Variants in RBFOX1 observed in about 807,000 individuals in gnomAD.
RBFOX1 encodes RNA binding fox-1 homolog 1, also known as RNA binding protein fox-1 homolog 1.
In RBFOX1, 8 loss-of-function variants were observed where a neutral mutation model predicts 57.7. The observed-to-expected ratio is 0.14, with a 90% confidence interval of 0.08 to 0.25. The LOEUF (loss-of-function observed/expected upper bound fraction) is 0.25, where lower values mean the gene tolerates loss of function less well. Ranked by LOEUF, RBFOX1 falls within the 10% of genes least tolerant of loss-of-function variation. RBFOX1 has a pLI of 1.00. For synonymous variants in RBFOX1, 326 were observed against 222.4 expected (o/e 1.47, Z -4.15); for missense variants, 611 against 548.5 (o/e 1.11, Z -1.14).
chr16:5,753,427 G>A (rs1047640923), intron 3 of RBFOX1, among the ~76,000 whole-genome samples: 5 of 152,092 alleles, frequency 3.3e-5, no homozygotes, highest in African/African-American at 7.2e-5. Context: ...TTTTGGCTGC[G>A]TTTTTCACTT....
chr16:6,803,310 C>G (rs2085935339), intron 3 of RBFOX1, among the ~76,000 whole-genome samples: 1 of 152,144 alleles, frequency 6.6e-6, no homozygotes, highest in Admixed American at 6.6e-5. Context: ...GGCATTGTTT[C>G]CTTAGTCATT....
In RBFOX1 at chr16:6,510,384, C is replaced by T. The variant is rs1043809247; in HGVS notation, c.-63-144219C>T. Among the ~76,000 whole-genome samples, 5 of 152,114 alleles carry T rather than the reference C, an allele frequency of 3.3e-5. No homozygotes were observed. The South Asian group carries it at 6.2e-4, about 19-fold the overall frequency. On this transcript the variant is annotated intron_variant, in intron 2 of 15. Coordinates refer to ENST00000550418, the MANE Select transcript of RBFOX1 (RefSeq NM_018723.4). ...CCACAGAAGCCAACTCCCAGTTTCC[C>T]GATGCCGTTCTGCTCTTGTTGTTGA...
intron 3 of RBFOX1, among the ~76,000 whole-genome samples, chr16:5,780,735 C>G (rs143061911): frequency 6.6e-6 from 1 of 152,318 alleles, no homozygotes; most frequent in South Asian, 2.1e-4. Context: ...CGTTAAGTCA[C>G]TTGAGTACAA....
At chr16:5,685,752 G>T (rs373053494) in intron 3 of RBFOX1, among the ~76,000 whole-genome samples, 9 of 152,316 alleles carry the variant, frequency 5.9e-5, no homozygotes, top group Admixed American at 5.2e-4. Context: ...TGACAGGATT[G>T]TAGGTTGGTA....
chr16:6,778,175 C>T (rs1366760221), intron 3 of RBFOX1, among the ~76,000 whole-genome samples: 2 of 152,100 alleles, frequency 1.3e-5, no homozygotes, highest in African/African-American at 4.8e-5. Context: ...TCAAAGATCA[C>T]ACAATCGATT....
At chr16:6,687,831 A>T (rs1000669358) in intron 3 of RBFOX1, among the ~76,000 whole-genome samples, 11 of 152,130 alleles carry the variant, frequency 7.2e-5, no homozygotes, top group African/African-American at 2.7e-4. Context: ...GCCCAACCTA[A>T]CTCCAAAGGA....
At chr16:6,211,507 C>T (rs570936230) in intron 1 of RBFOX1, among the ~76,000 whole-genome samples, 9 of 152,144 alleles carry the variant, frequency 5.9e-5, no homozygotes, top group East Asian at 1.9e-4. Flanking sequence ...GGATTACAGG[C>T]GTGAGCCACC....
intron 4 of RBFOX1, among the ~76,000 whole-genome samples, chr16:7,413,587 AC>A (rs2098450864): frequency 1.3e-5 from 2 of 149,784 alleles, no homozygotes; most frequent in Admixed American, 6.7e-5. Context: ...CTTTGCTGCC[AC>A]CCCCCTGCCC....
intron 1 of RBFOX1, among the ~76,000 whole-genome samples, chr16:6,065,383 A>G (rs974869665): frequency 5.9e-5 from 9 of 151,944 alleles, no homozygotes; most frequent in African/African-American, 2.2e-4. Context: ...CTGTTTTCAT[A>G]CAGCTGGTGG....
intron 4 of RBFOX1, among the ~76,000 whole-genome samples, chr16:7,438,586 A>G (rs1050915645): frequency 6.6e-6 from 1 of 152,178 alleles, no homozygotes; most frequent in African/African-American, 2.4e-5. Flanking sequence ...TCTGAATCCC[A>G]AACTTGTGTG....
intron 5 of RBFOX1, among the ~76,000 whole-genome samples, chr16:7,579,341 G>A (rs1243743117): frequency 6.6e-6 from 1 of 152,118 alleles, no homozygotes; most frequent in Non-Finnish European, 1.5e-5. Context: ...AACAGCGTCG[G>A]TTAAGAAATA....
chr16:7,062,424 C>G (rs931835038), intron 4 of RBFOX1, among the ~76,000 whole-genome samples: 2 of 151,654 alleles, frequency 1.3e-5, no homozygotes, highest in Non-Finnish European at 2.9e-5. Flanking sequence ...TTACCCTGTG[C>G]TTGTATGTGG....
intron 2 of RBFOX1, among the ~76,000 whole-genome samples, chr16:6,380,367 A>G (rs1266979522): frequency 7.1e-6 from 1 of 140,962 alleles, no homozygotes; most frequent in Non-Finnish European, 1.5e-5. Context: ...CCAACTTATA[A>G]TGATGCGTCT....
At chr16:5,845,947 C>T (rs1169903365) in intron 3 of RBFOX1, among the ~76,000 whole-genome samples, 3 of 151,980 alleles carry the variant, frequency 2.0e-5, no homozygotes, top group Non-Finnish European at 4.4e-5. Context: ...CTGAGGTGGG[C>T]AGATTACTTG....
At chr16:6,943,260 A>C (rs957692084) in intron 3 of RBFOX1, among the ~76,000 whole-genome samples, 1 of 152,234 alleles carries the variant, frequency 6.6e-6, no homozygotes, top group Non-Finnish European at 1.5e-5. Context: ...ATGACTGATC[A>C]AGGTGCAAAA....
At chr16:5,467,344 C>T (rs1186491890) in intron 2 of RBFOX1, 3 of 1,256,294 alleles carry the variant, frequency 2.4e-6, no homozygotes, top group Admixed American at 2.1e-5. Context: ...AGCCCTGCAA[C>T]TTCACTGCCC....
At chr16:7,196,552 C>G (rs1254520460) in intron 4 of RBFOX1, among the ~76,000 whole-genome samples, 2 of 152,234 alleles carry the variant, frequency 1.3e-5, no homozygotes, top group Admixed American at 6.5e-5. Flanking sequence ...CACAAACCCA[C>G]TTCACCCTGA....
intron 3 of RBFOX1, among the ~76,000 whole-genome samples, chr16:5,706,814 G>C (rs995482611): frequency 2.0e-5 from 3 of 152,000 alleles, no homozygotes; most frequent in African/African-American, 7.3e-5. Flanking sequence ...GAGTGGGGAG[G>C]AATCACTGGG....
chr16:7,612,829 C>T (rs7191200), intron 10 of RBFOX1, among the ~76,000 whole-genome samples: 84,265 of 151,916 alleles, frequency 0.55, 24,913 homozygotes, highest in East Asian at 0.83. Context: ...GCAAAGCTCA[C>T]CCACGTTGTA....
Sources: allele counts gnomAD v4.1 joint callset (sites outside exome capture counted in the v4.1 genomes callset), GRCh38; gene constraint gnomAD v4.1.1; transcripts MANE v1.5; gene names NCBI Gene and HGNC (gene_info 2026-07-23, HGNC 2026-07-21).